MAP4: variants seen among roughly 807,000 people sequenced by gnomAD.
MAP4 encodes the protein microtubule associated protein 4, also known as microtubule-associated protein 4.
In MAP4, 76 loss-of-function variants were observed where a neutral mutation model predicts 170.2. The ratio of observed to expected loss-of-function variants is 0.45; its 90% CI spans 0.37 to 0.54. The LOEUF (loss-of-function observed/expected upper bound fraction) is 0.54, where lower values mean the gene tolerates loss of function less well. Ranked by LOEUF, MAP4 falls within the 20% of genes least tolerant of loss-of-function variation. The pLI is 0.00. For missense variants in MAP4, 2,506 were observed against 2,748.0 expected, an observed-to-expected ratio of 0.91 and a Z score of 1.97; for synonymous variants, 909 against 994.5, an observed-to-expected ratio of 0.91 and a Z score of 1.62.
Position 47,871,273 on chromosome 3 carries a change from C to T in MAP4, c.5955G>A (p.Glu1985=), listed in dbSNP as rs770590390. 1 of 1,614,034 alleles carries T rather than the reference C, an allele frequency of 6.2e-7. No homozygotes were observed. The highest frequency in any genetic ancestry group is 1.1e-5 in the South Asian group (1 of 91,082). ...TCTTCTTGACTTCTGCAGGTTTTCC[C>T]TCAGTCTTAATGGCTGTACAAAATA... ...LPKKPTAIKT[E]GKPAEVKKMT... Residue 1985 remains glutamate (E), a synonymous_variant, in exon 14 of 21, where the codon GAG becomes GAA. Transcript: ENST00000683076.
rs201326105 is a variant in MAP4, at chr3:47,916,219, C to T, written c.1608G>A (p.Leu536=). The T allele has an allele frequency of 9.9e-6, 16 of 1,614,166 alleles. No individual in the cohort carries two copies. The Admixed American group carries it at 2.0e-4, about 20-fold the overall frequency. ...TEVVLIKNVC[L]PPEMEVALTE... is the part of the protein sequence containing the mutation. ...TCAGGGCCACCTCCATTTCTGGAGG[C>T]AGACATACGTTCTTGATGAGAACTA... The change falls in exon 7 of 21, where the codon CTG becomes CTA. Residue 536 remains leucine, a synonymous_variant. Coordinates refer to ENST00000683076, the MANE Select transcript of MAP4 (RefSeq NM_001385682.1).
chr3:47,989,948 T>C (rs543874186), intron 2 of MAP4, among the ~76,000 whole-genome samples: 5 of 152,250 alleles, frequency 3.3e-5, no homozygotes, highest in Admixed American at 2.6e-4. Flanking sequence ...TATAAAGATA[T>C]TCAAATTTAC....
At chr3:47,968,671 C>T (rs2100076594) in intron 3 of MAP4, among the ~76,000 whole-genome samples, 1 of 151,896 alleles carries the variant, frequency 6.6e-6, no homozygotes, top group Admixed American at 6.6e-5. Context: ...CTAACATAAC[C>T]TTCTACCAAA....
chr3:47,975,608 G>A (rs2100081607), intron 3 of MAP4: 2 of 708,486 alleles, frequency 2.8e-6, no homozygotes, highest in South Asian at 3.1e-5. Flanking sequence ...TTTGCTCTCG[G>A]GACTATAGAT....
chr3:47,940,068 C>T (rs569489669), intron 3 of MAP4, among the ~76,000 whole-genome samples: 1 of 152,056 alleles, frequency 6.6e-6, no homozygotes, highest in Non-Finnish European at 1.5e-5. Flanking sequence ...AAACTCCTGA[C>T]CTCAGGTGAG....
intron 1 of MAP4, among the ~76,000 whole-genome samples, chr3:48,081,861 G>T (rs1404718222): frequency 1.3e-5 from 2 of 152,082 alleles, no homozygotes; most frequent in Non-Finnish European, 2.9e-5. Context: ...GAAGGAACCA[G>T]GACACCTTGG....
chr3:47,989,802 C>G (rs1578886642), intron 2 of MAP4, among the ~76,000 whole-genome samples: 1 of 152,134 alleles, frequency 6.6e-6, no homozygotes, highest in Non-Finnish European at 1.5e-5. Flanking sequence ...TCAAAAGATG[C>G]TATAATGTGT....
chr3:48,054,555 G>A (rs1170587146), intron 1 of MAP4, among the ~76,000 whole-genome samples: 1 of 138,338 alleles, frequency 7.2e-6, no homozygotes, highest in East Asian at 2.2e-4. Context: ...ACTTGAACTC[G>A]AGAGGCAGAG....
intron 1 of MAP4, among the ~76,000 whole-genome samples, chr3:48,063,404 TA>T (rs35033632): frequency 0.022 from 2,970 of 136,004 alleles, 59 homozygotes; most frequent in African/African-American, 0.061. Flanking sequence ...ACCTGTGTCT[TA>T]AAAAAAAAAA....
At chr3:47,853,768 A>G (rs1364619893) in intron 19 of MAP4, among the ~76,000 whole-genome samples, 1 of 147,816 alleles carries the variant, frequency 6.8e-6, no homozygotes, top group Non-Finnish European at 1.5e-5. Flanking sequence ...CCCTGCACAC[A>G]GAGTGGGGTC....
At chr3:47,944,052 C>T (rs1201898179) in intron 3 of MAP4, among the ~76,000 whole-genome samples, 1 of 152,078 alleles carries the variant, frequency 6.6e-6, no homozygotes, top group Non-Finnish European at 1.5e-5. Flanking sequence ...TGGCTCACGC[C>T]TGTAATCTCA....
At chr3:47,941,068 G>A (rs750633680) in intron 3 of MAP4, among the ~76,000 whole-genome samples, 7 of 151,430 alleles carry the variant, frequency 4.6e-5, no homozygotes, top group Non-Finnish European at 1.0e-4. Context: ...TAGTAGAGAC[G>A]GGGTTTTACC....
chr3:47,865,162 G>A (rs1296932288), intron 17 of MAP4, among the ~76,000 whole-genome samples: 1 of 152,176 alleles, frequency 6.6e-6, no homozygotes, highest in Non-Finnish European at 1.5e-5. Flanking sequence ...GTGAGGTCAT[G>A]TGTAGGCAGT....
chr3:48,076,999 T>C (rs543228010), intron 1 of MAP4, among the ~76,000 whole-genome samples: 124 of 151,862 alleles, frequency 8.2e-4, no homozygotes, highest in African/African-American at 2.9e-3. Flanking sequence ...TTTTTTTAAT[T>C]ATCCAGGTGT....
chr3:47,917,713 G>A (rs1310001375), intron 6 of MAP4, among the ~76,000 whole-genome samples: 3 of 152,076 alleles, frequency 2.0e-5, no homozygotes, highest in Non-Finnish European at 4.4e-5. Flanking sequence ...GAGGAGAAAT[G>A]GCAAAGAAGA....
Position 48,027,855 on chromosome 3 carries a change from C to T in MAP4, c.-19-28976G>A, listed in dbSNP as rs748995348. Among the ~76,000 whole-genome samples, 21 of 152,158 alleles carry T rather than the reference C, an allele frequency of 1.4e-4. No individual in the cohort carries two copies. The South Asian group carries it at 2.3e-3, about 17-fold the overall frequency. ...CCCTGTCTCAAAAAAATAAAAAATC[C>T]GAAGATCAGGCCATGACTATGTATT... On this transcript the variant is annotated intron_variant, in intron 1 of 18. Coordinates refer to the MAP4 transcript ENST00000360240.
At chr3:48,086,059 T>C (rs570546497) in intron 1 of MAP4, among the ~76,000 whole-genome samples, 2 of 139,564 alleles carry the variant, frequency 1.4e-5, no homozygotes, top group South Asian at 2.3e-4. Flanking sequence ...CTCAAAAAAA[T>C]ATATATATAT....
At position 47,891,666 on chromosome 3, in the gene MAP4, A is replaced by G. The variant is rs147606905; in HGVS notation, c.5434+11284T>C. On this transcript the variant is annotated intron_variant, in intron 10 of 20. Transcript: ENST00000683076. ...TCCTCGGTAGAACTCAATTTCTCCA[A>G]CTCCTTATCATGGTCTCTGATGTGA... 4,368 of 1,535,780 alleles carry G rather than the reference A, an allele frequency of 2.8e-3. 18 individuals carry two copies. Among genetic ancestry groups the G allele is most frequent in the Non-Finnish European group, 3.4e-3 (3,857 of 1,146,858 alleles).
intron 13 of MAP4, 68 bp downstream of exon 13, chr3:47,871,849 G>C (rs757381440): frequency 3.0e-4 from 443 of 1,468,316 alleles, no homozygotes; most frequent in Non-Finnish European, 4.0e-4. Flanking sequence ...CTAGAGCTAT[G>C]GCTGGGGCAA....
Sources: gnomAD v4.1 joint callset for allele counts (sites outside exome capture counted in the v4.1 genomes callset) on GRCh38, gnomAD v4.1.1 for gene constraint, MANE v1.5 for transcripts, NCBI Gene and HGNC (gene_info 2026-07-23, HGNC 2026-07-21) for gene names.